ZCCHC17: variants seen among roughly 807,000 people sequenced by gnomAD.
ZCCHC17 encodes zinc finger CCHC domain-containing protein 17.
A neutral mutation model predicts 30.6 loss-of-function variants in ZCCHC17; 18 were observed. The observed-to-expected ratio is 0.59, with a 90% CI of 0.41 to 0.87. The LOEUF (loss-of-function observed/expected upper bound fraction) is 0.87, where lower values mean the gene tolerates loss of function less well. Ranked by LOEUF, ZCCHC17 falls within the 40% of genes least tolerant of loss-of-function variation. The pLI is 0.00. For synonymous variants in ZCCHC17, 88 were observed against 92.4 expected, an observed-to-expected ratio of 0.95 and a Z score of 0.27; for missense variants, 263 against 284.2, an observed-to-expected ratio of 0.93 and a Z score of 0.54.
intron 5 of ZCCHC17, among the ~76,000 whole-genome samples, chr1:31,344,355 G>A (rs923367354): frequency 6.6e-6 from 1 of 152,156 alleles, no homozygotes; most frequent in African/African-American, 2.4e-5. Flanking sequence ...TCATTTGTAT[G>A]TCTCCCTCCA....
chr1:31,359,881 C>A (rs1639800670), intron 7 of ZCCHC17, among the ~76,000 whole-genome samples: 1 of 152,118 alleles, frequency 6.6e-6, no homozygotes, highest in Admixed American at 6.6e-5. Context: ...TCTTCTGTTT[C>A]CCTTCTCACT....
chr1:31,319,321 A>C (rs970435195), intron 3 of ZCCHC17, among the ~76,000 whole-genome samples, 155 bp downstream of exon 3: 1 of 152,116 alleles, frequency 6.6e-6, no homozygotes, highest in Non-Finnish European at 1.5e-5. Context: ...ATGACAGTTC[A>C]TTTTTAGCGG....
chr1:31,301,466 G>A (rs1172497752), intron 1 of ZCCHC17, among the ~76,000 whole-genome samples: 1 of 152,200 alleles, frequency 6.6e-6, no homozygotes, highest in African/African-American at 2.4e-5. Flanking sequence ...GAGAATTATT[G>A]AATGTCATGA....
At chr1:31,342,684 A>C (rs1010359906) in intron 5 of ZCCHC17, among the ~76,000 whole-genome samples, 1 of 152,140 alleles carries the variant, frequency 6.6e-6, no homozygotes, top group African/African-American at 2.4e-5. Flanking sequence ...CCTGCTGCTC[A>C]CCTCCTGCTA....
At chr1:31,362,178 C>T (rs778275649) in intron 7 of ZCCHC17, among the ~76,000 whole-genome samples, 11 of 151,996 alleles carry the variant, frequency 7.2e-5, no homozygotes, top group Non-Finnish European at 1.6e-4. Context: ...AGATGACTTG[C>T]CCACGGATGC....
intron 7 of ZCCHC17, 93 bp from the exon 8 acceptor site, chr1:31,363,939 A>G: frequency 6.6e-7 from 1 of 1,511,260 alleles, no homozygotes; most frequent in South Asian, 1.4e-5. Context: ...CTAGGATTAC[A>G]GGTGTGAGCC....
At chr1:31,320,893 T>C (rs528498957) in intron 3 of ZCCHC17, among the ~76,000 whole-genome samples, 261 of 152,340 alleles carry the variant, frequency 1.7e-3, no homozygotes, top group Non-Finnish European at 3.0e-3. Flanking sequence ...CATTTTACAT[T>C]CCTACCAGCA....
At chr1:31,339,183 C>G in intron 5 of ZCCHC17, 135 bp downstream of exon 5, 2 of 673,878 alleles carry the variant, frequency 3.0e-6, no homozygotes. Flanking sequence ...CCTTTGCAAT[C>G]TTTGGTTTTT....
chr1:31,306,798 G>A lies in ZCCHC17; in HGVS notation c.-55-3246G>A, dbSNP rs548367316. Reference sequence around the variant, plus strand: ...TCCTCTTGCTTCAGCCTCCCAAGTAGCTGGGATTATAGGCTGGTGTCACCA... The same window carrying A: ...TCCTCTTGCTTCAGCCTCCCAAGTAACTGGGATTATAGGCTGGTGTCACCA... On this transcript the variant is annotated intron_variant, in intron 1 of 7. Coordinates refer to ENST00000344147, the MANE Select transcript of ZCCHC17 (RefSeq NM_016505.4). Among the ~76,000 whole-genome samples, 7 of 152,172 alleles carry A rather than the reference G, an allele frequency of 4.6e-5. No individual in the cohort carries two copies. The South Asian group carries it at 1.5e-3, about 32-fold the overall frequency.
Position 31,339,005 on chromosome 1 carries a change from CA to C in ZCCHC17, c.276del (p.Thr94LeufsTer36). On this transcript the variant is annotated frameshift_variant, in exon 5 of 8. Transcript: ENST00000344147. LOFTEE classifies it high-confidence loss of function. ...KVSLSMKVVNQGTGKDLDPNN... is the reference protein window; with the variant it reads ...KVSLSMKVVNXGTGKDLDPNN... ...ATCCCTCTCCATGAAGGTTGTCAAT[CA>C]AGGGACTGGGAAAGACCTTGATCCC... 1.2e-6 allele frequency: 2 copies of C among 1,612,848 alleles called. No homozygotes were observed. Among genetic ancestry groups the C allele is most frequent in the Non-Finnish European group, 1.7e-6 (2 of 1,179,708 alleles).
At chr1:31,363,799 G>A (rs1640022621) in intron 7 of ZCCHC17, among the ~76,000 whole-genome samples, 1 of 152,012 alleles carries the variant, frequency 6.6e-6, no homozygotes, top group Admixed American at 6.6e-5. Flanking sequence ...AAAATTAAGT[G>A]GTCCCCTATT....
intron 3 of ZCCHC17, chr1:31,332,962 CAATTT>C (rs1338919003): frequency 6.6e-6 from 1 of 152,084 alleles, no homozygotes; most frequent in African/African-American, 2.4e-5. Flanking sequence ...TATGTGTACA[CAATTT>C]AATATGTTGA....
At chr1:31,344,453 G>T (rs1169158295) in intron 5 of ZCCHC17, among the ~76,000 whole-genome samples, 1 of 152,138 alleles carries the variant, frequency 6.6e-6, no homozygotes, top group Admixed American at 6.6e-5. Flanking sequence ...TATTAGCACT[G>T]GCGTTATCCA....
At chr1:31,346,088 T>G (rs1432100866) in intron 5 of ZCCHC17, among the ~76,000 whole-genome samples, 3 of 152,174 alleles carry the variant, frequency 2.0e-5, no homozygotes, top group Non-Finnish European at 4.4e-5. Context: ...AGCTAGTAAC[T>G]GAACTGAGCC....
At chr1:31,302,432 C>A (rs1180129737) in intron 1 of ZCCHC17, among the ~76,000 whole-genome samples, 1 of 152,064 alleles carries the variant, frequency 6.6e-6, no homozygotes, top group Non-Finnish European at 1.5e-5. Context: ...AACACAAAAT[C>A]AAATGAGAAA....
chr1:31,300,251 G>C (rs961318117), intron 1 of ZCCHC17, among the ~76,000 whole-genome samples: 3 of 152,010 alleles, frequency 2.0e-5, no homozygotes, highest in African/African-American at 7.3e-5. Context: ...ATAGAGATAA[G>C]GTCTTGCCAT....
intron 7 of ZCCHC17, among the ~76,000 whole-genome samples, chr1:31,360,018 TTGCCCAGGC>T (rs1639809920): frequency 6.6e-6 from 1 of 152,164 alleles, no homozygotes; most frequent in South Asian, 2.1e-4. Context: ...TTCCATCTTG[TTGCCCAGGC>T]TGGAGTGCAA....
At chr1:31,309,987 T>C in intron 1 of ZCCHC17, 57 bp from the exon 2 acceptor site, 1 of 951,320 alleles carries the variant, frequency 1.1e-6, no homozygotes. Flanking sequence ...ATTGTCTGCA[T>C]ATTCATTTCT....
intron 7 of ZCCHC17, among the ~76,000 whole-genome samples, chr1:31,352,323 C>T (rs1443569366): frequency 6.6e-6 from 1 of 152,176 alleles, no homozygotes; most frequent in Non-Finnish European, 1.5e-5. Context: ...TTCACCCTTC[C>T]TCCCTGCACT....
Sources: allele counts gnomAD v4.1 joint callset (sites outside exome capture counted in the v4.1 genomes callset), GRCh38; gene constraint gnomAD v4.1.1; transcripts MANE v1.5; gene names NCBI Gene and HGNC (gene_info 2026-07-23, HGNC 2026-07-21).